PRKG2: variants seen among roughly 807,000 people sequenced by gnomAD.
PRKG2 encodes the protein protein kinase cGMP-dependent 2, also known as cGMP-dependent protein kinase 2.
PRKG2 carries 33 observed loss-of-function variants against 97.2 expected under a neutral mutation model. The observed-to-expected ratio is 0.34, with a 90% CI of 0.26 to 0.45. The LOEUF (loss-of-function observed/expected upper bound fraction) is 0.45. Ranked by LOEUF, PRKG2 falls within the 20% of genes least tolerant of loss-of-function variation. The pLI is 1.00. For synonymous variants in PRKG2, 330 were observed against 321.8 expected (o/e 1.03, Z -0.27); for missense variants, 638 against 900.0 (o/e 0.71, Z 3.73).
chr4:81,183,631 C>A (rs1310422448), intron 2 of PRKG2, among the ~76,000 whole-genome samples: 2 of 151,760 alleles, frequency 1.3e-5, no homozygotes, highest in South Asian at 2.1e-4. Context: ...GCCTGGAATG[C>A]CAGAAAGACA....
intron 1 of PRKG2, among the ~76,000 whole-genome samples, chr4:81,212,663 T>C (rs1754041981): frequency 6.6e-6 from 1 of 152,050 alleles, no homozygotes; most frequent in Admixed American, 6.6e-5. Context: ...CAAGAAAAGC[T>C]AAAGAAAGAG....
chr4:81,149,684 T>C (rs757025016), intron 8 of PRKG2, among the ~76,000 whole-genome samples: 4 of 152,054 alleles, frequency 2.6e-5, no homozygotes, highest in Non-Finnish European at 5.9e-5. Flanking sequence ...TATATTAGCT[T>C]CCTCCCTCTA....
At chr4:81,114,535 T>G (rs1176485662) in intron 14 of PRKG2, among the ~76,000 whole-genome samples, 3 of 152,216 alleles carry the variant, frequency 2.0e-5, no homozygotes, top group African/African-American at 7.2e-5. Context: ...AACTTAACTG[T>G]CAAGTACAGC....
intron 1 of PRKG2, among the ~76,000 whole-genome samples, chr4:81,211,319 T>A (rs542545449): frequency 1.2e-3 from 177 of 152,320 alleles, no homozygotes; most frequent in Middle Eastern, 6.8e-3. Context: ...TTACTCAATT[T>A]TTCTATAAAC....
In PRKG2 at chr4:81,171,762, G is replaced by C. The variant is rs961166144; in HGVS notation, c.671C>G (p.Ser224Cys). The C allele has an allele frequency of 1.2e-6, 2 of 1,611,738 alleles. No homozygotes were observed. The highest frequency in any genetic ancestry group is 1.7e-6 in the Non-Finnish European group (2 of 1,178,886). Residue 224 changes from serine to cysteine, a missense_variant, in exon 4 of 19, where the codon TCC (serine) becomes TGC (cysteine). Ser to Cys is a moderately radical substitution (Grantham distance 112). This residue lies in a region of PRKG2 where 332 missense variants were observed against 421.7 expected (regional missense o/e 0.79). Transcript: ENST00000264399. ...CCCAAATGTGGTCCACATAGGGATG[G>C]AGGACAGCAATTTCTCCCCTTGGAA... is the stretch of plus-strand genomic sequence containing the variant. ...EVFQGEKLLS[S>C]IPMWTTFGEL...
chr4:81,125,533 C>T (rs1002132374), intron 14 of PRKG2, among the ~76,000 whole-genome samples: 6 of 152,090 alleles, frequency 3.9e-5, no homozygotes, highest in African/African-American at 1.4e-4. Flanking sequence ...GGTATTTTGG[C>T]TGTTTCGAAT....
Position 81,105,798 on chromosome 4 carries a change from G to A in PRKG2, c.2063+15C>T. Reference sequence around the variant, plus strand: ...ACTTTCTTCAAGACAAGGGGTTACTGACTGTCATTCTCACCTGCAAAGCCT... The same window carrying A: ...ACTTTCTTCAAGACAAGGGGTTACTAACTGTCATTCTCACCTGCAAAGCCT... On this transcript the variant is annotated intron_variant, in intron 16 of 18. Coordinates refer to ENST00000264399, the MANE Select transcript of PRKG2 (RefSeq NM_006259.3). 6.2e-7 allele frequency: 1 copy of A among 1,613,276 alleles called. No homozygotes were observed.
chr4:81,163,339 C>T (rs1028531559), intron 6 of PRKG2, among the ~76,000 whole-genome samples: 2 of 152,102 alleles, frequency 1.3e-5, no homozygotes, highest in Admixed American at 1.3e-4. Flanking sequence ...GGTTATTGTC[C>T]TTGTGGTTAC....
chr4:81,134,355 A>G (rs1022686176), intron 14 of PRKG2, among the ~76,000 whole-genome samples: 1 of 152,198 alleles, frequency 6.6e-6, no homozygotes, highest in Non-Finnish European at 1.5e-5. Flanking sequence ...TTCCTTTTAT[A>G]AAAATTCTGA....
chr4:81,174,678 A>G (rs1269923258), intron 3 of PRKG2, 115 bp downstream of exon 3: 20 of 1,052,560 alleles, frequency 1.9e-5, no homozygotes, highest in Non-Finnish European at 2.7e-5. Flanking sequence ...TCATGATTCA[A>G]TATGTTATGT....
At chr4:81,114,588 G>A (rs1744320449) in intron 14 of PRKG2, among the ~76,000 whole-genome samples, 2 of 152,138 alleles carry the variant, frequency 1.3e-5, no homozygotes, top group Admixed American at 1.3e-4. Flanking sequence ...TACAAATATG[G>A]TTTGAGTTGG....
At chr4:81,139,707 G>A (rs747029385) in intron 12 of PRKG2, among the ~76,000 whole-genome samples, 6 of 150,936 alleles carry the variant, frequency 4.0e-5, no homozygotes, top group East Asian at 1.9e-4. Flanking sequence ...CCCCAGAGGC[G>A]GAGCTTGCAG....
At chr4:81,101,654 C>T (rs79546893) in intron 17 of PRKG2, among the ~76,000 whole-genome samples, 16,548 of 148,288 alleles carry the variant, frequency 0.11, 1,249 homozygotes, top group African/African-American at 0.21. Flanking sequence ...CAACATGGCA[C>T]ATGTATACAT....
At chr4:81,205,218 A>G (rs1448918518) in intron 1 of PRKG2, among the ~76,000 whole-genome samples, 158 bp from the exon 2 acceptor site, 2 of 151,982 alleles carry the variant, frequency 1.3e-5, no homozygotes, top group Non-Finnish European at 2.9e-5. Flanking sequence ...AAAAAAAAAA[A>G]AGCTATCTAT....
chr4:81,102,086 A>T (rs1742861996), intron 17 of PRKG2, among the ~76,000 whole-genome samples: 1 of 152,164 alleles, frequency 6.6e-6, no homozygotes, highest in African/African-American at 2.4e-5. Flanking sequence ...TTATTAATCA[A>T]CTCTATACTC....
intron 9 of PRKG2, among the ~76,000 whole-genome samples, chr4:81,148,069 GT>G (rs1274458606): frequency 3.5e-4 from 53 of 152,062 alleles, no homozygotes; most frequent in Admixed American, 3.5e-3. Context: ...ATGCTCTAAA[GT>G]TTTTTCCAGC....
At chr4:81,134,897 G>C (rs1475419763) in intron 14 of PRKG2, among the ~76,000 whole-genome samples, 1 of 151,996 alleles carries the variant, frequency 6.6e-6, no homozygotes, top group East Asian at 1.9e-4. Flanking sequence ...CAAAAATACT[G>C]ATAAAATCCA....
intron 9 of PRKG2, 94 bp from the exon 10 acceptor site, chr4:81,144,424 C>A (rs942991887): frequency 8.6e-6 from 8 of 927,402 alleles, no homozygotes; most frequent in Middle Eastern, 4.4e-4. Context: ...GCTGGTTATT[C>A]CTGACTTTAT....
chr4:81,189,063 T>TAAAAAAAAAAAA (rs1401411435), intron 2 of PRKG2, among the ~76,000 whole-genome samples: 3 of 6,414 alleles, frequency 4.7e-4, no homozygotes, highest in Non-Finnish European at 8.2e-4. Context: ...TTAAAAAAAA[T>TAAAAAAAAAAAA]AATAAAAAAA....
Sources: allele counts gnomAD v4.1 joint callset (sites outside exome capture counted in the v4.1 genomes callset), GRCh38; gene constraint gnomAD v4.1.1; regional missense constraint gnomAD v4.1.1; transcripts MANE v1.5; gene names NCBI Gene and HGNC (gene_info 2026-07-23, HGNC 2026-07-21).